The following PTPRO variants were observed in gnomAD, a reference collection of about 807,000 sequenced individuals.
PTPRO encodes the protein receptor-type tyrosine-protein phosphatase O.
In PTPRO, 62 loss-of-function variants were observed where a neutral mutation model predicts 145.2. The ratio of observed to expected loss-of-function variants is 0.43; its 90% CI spans 0.35 to 0.53. The LOEUF (loss-of-function observed/expected upper bound fraction) is 0.53. Ranked by LOEUF, PTPRO falls within the 20% of genes least tolerant of loss-of-function variation. PTPRO has a pLI of 0.01. For synonymous variants in PTPRO, 565 were observed against 514.7 expected (o/e 1.10, Z -1.32); for missense variants, 1,345 against 1,482.7 (o/e 0.91, Z 1.53).
At chr12:15,534,484 T>A (rs1943027247) in intron 12 of PTPRO, among the ~76,000 whole-genome samples, 1 of 152,194 alleles carries the variant, frequency 6.6e-6, no homozygotes, top group Admixed American at 6.5e-5. Context: ...TTTCACTTTC[T>A]GTTCACAAGG....
chr12:15,391,919 A>C (rs905678425), intron 1 of PTPRO, among the ~76,000 whole-genome samples: 4 of 152,210 alleles, frequency 2.6e-5, no homozygotes. Flanking sequence ...TACTCCAGAC[A>C]GCACCATATA....
intron 1 of PTPRO, among the ~76,000 whole-genome samples, chr12:15,457,384 G>A (rs1941204103): frequency 6.6e-6 from 1 of 152,080 alleles, no homozygotes; most frequent in Non-Finnish European, 1.5e-5. Context: ...CTGTTCCTCT[G>A]GAGAACCATG....
intron 13 of PTPRO, 45 bp downstream of exon 13, chr12:15,546,753 G>A: frequency 1.2e-6 from 2 of 1,608,856 alleles, no homozygotes; most frequent in South Asian, 1.1e-5. Flanking sequence ...ACTTAAGTAA[G>A]GCTAATTATC....
At chr12:15,516,553 G>C (rs1001210498) in intron 8 of PTPRO, among the ~76,000 whole-genome samples, 1 of 128,772 alleles carries the variant, frequency 7.8e-6, no homozygotes, top group Non-Finnish European at 1.6e-5. Context: ...GGGAGGGAGG[G>C]AAGAAGGAAG....
At chr12:15,454,010 C>A (rs1281292156) in intron 1 of PTPRO, among the ~76,000 whole-genome samples, 2 of 152,144 alleles carry the variant, frequency 1.3e-5, no homozygotes, top group African/African-American at 4.8e-5. Flanking sequence ...CATATCTTGG[C>A]TATTGTGAAT....
chr12:15,505,566 C>T (rs1457980952), intron 6 of PTPRO, among the ~76,000 whole-genome samples: 1 of 151,934 alleles, frequency 6.6e-6, no homozygotes, highest in African/African-American at 2.4e-5. Flanking sequence ...TTTGTTTTTT[C>T]TCTGTTGCTA....
chr12:15,414,947 C>T (rs1249133703), intron 1 of PTPRO, among the ~76,000 whole-genome samples: 7 of 152,088 alleles, frequency 4.6e-5, no homozygotes, highest in African/African-American at 7.2e-5. Flanking sequence ...CCTATGACAC[C>T]ATGGAGAATG....
chr12:15,545,992 G>A (rs576245446), intron 12 of PTPRO, among the ~76,000 whole-genome samples: 1 of 149,118 alleles, frequency 6.7e-6, no homozygotes, highest in African/African-American at 2.5e-5. Context: ...TCCAGCCTGG[G>A]TGACAGAGTG....
intron 17 of PTPRO, among the ~76,000 whole-genome samples, chr12:15,563,300 G>A (rs890434830): frequency 4.8e-5 from 7 of 146,206 alleles, no homozygotes; most frequent in Non-Finnish European, 1.5e-5. Context: ...ACACAAAATC[G>A]TCACTGTAAC....
chr12:15,412,175 T>C (rs987375140), intron 1 of PTPRO, among the ~76,000 whole-genome samples: 1 of 152,024 alleles, frequency 6.6e-6, no homozygotes, highest in Non-Finnish European at 1.5e-5. Context: ...TTTGAAAAAA[T>C]GCCTTACAAT....
At chr12:15,549,333 G>A in intron 14 of PTPRO, 107 bp downstream of exon 14, 1 of 950,084 alleles carries the variant, frequency 1.1e-6, no homozygotes, top group Non-Finnish European at 1.4e-6. Flanking sequence ...CGGAGTCAGA[G>A]AGTCCTTAAT....
At chr12:15,344,341 T>C (rs1364383477) in intron 1 of PTPRO, among the ~76,000 whole-genome samples, 1 of 152,238 alleles carries the variant, frequency 6.6e-6, no homozygotes, top group Non-Finnish European at 1.5e-5. Flanking sequence ...TGGCCATGAC[T>C]TTTCAGAGCA....
chr12:15,549,346 C>T, intron 14 of PTPRO, 120 bp downstream of exon 14: 1 of 822,732 alleles, frequency 1.2e-6, no homozygotes, highest in Non-Finnish European at 1.7e-6. Context: ...TCCTTAATTT[C>T]AATCCCAAAG....
chr12:15,519,231 T>C (rs568290853), intron 9 of PTPRO, among the ~76,000 whole-genome samples: 15 of 152,316 alleles, frequency 9.8e-5, no homozygotes, highest in African/African-American at 3.1e-4. Context: ...TCAGATTTCA[T>C]GAGATTTACT....
intron 2 of PTPRO, among the ~76,000 whole-genome samples, chr12:15,487,092 C>T (rs1445291876): frequency 6.6e-6 from 1 of 152,068 alleles, no homozygotes; most frequent in Admixed American, 6.6e-5. Flanking sequence ...AGAAGAGCTC[C>T]CCCAGCAATA....
intron 15 of PTPRO, 94 bp downstream of exon 15, chr12:15,551,765 G>A (rs1049100801): frequency 1.6e-5 from 22 of 1,373,808 alleles, no homozygotes; most frequent in Admixed American, 3.7e-5. Context: ...GTTGTATAGC[G>A]GTATATTGGA....
intron 1 of PTPRO, among the ~76,000 whole-genome samples, chr12:15,446,702 A>C (rs927777663): frequency 5.9e-5 from 9 of 151,538 alleles, no homozygotes; most frequent in Non-Finnish European, 1.2e-4. Flanking sequence ...GTCATATGAA[A>C]GTTATAATAG....
At chr12:15,514,945 A>G (rs148746728) in intron 7 of PTPRO, among the ~76,000 whole-genome samples, 194 of 151,838 alleles carry the variant, frequency 1.3e-3, no homozygotes, top group Non-Finnish European at 2.3e-3. Context: ...TTTGTATTTT[A>G]GTAGAGACAG....
At chr12:15,477,343 G>T (rs1321155092) in intron 1 of PTPRO, among the ~76,000 whole-genome samples, 1 of 121,952 alleles carries the variant, frequency 8.2e-6, no homozygotes, top group Non-Finnish European at 1.7e-5. Flanking sequence ...ACACTCTGGG[G>T]ACTGTGGTGG....
Sources: gnomAD v4.1 joint callset for allele counts (sites outside exome capture counted in the v4.1 genomes callset) on GRCh38, gnomAD v4.1.1 for gene constraint, MANE v1.5 for transcripts, NCBI Gene and HGNC (gene_info 2026-07-23, HGNC 2026-07-21) for gene names.